Variants in ANLN observed in about 807,000 individuals in gnomAD.
ANLN encodes the protein anillin, actin binding protein, also known as anillin.
ANLN carries 59 observed loss-of-function variants against 135.1 expected under a neutral mutation model. That is an observed-to-expected ratio of 0.44 (90% CI 0.35 to 0.54). The LOEUF (loss-of-function observed/expected upper bound fraction) is 0.54, where lower values mean the gene tolerates loss of function less well. Ranked by LOEUF, ANLN falls within the 20% of genes least tolerant of loss-of-function variation. The pLI, the probability that ANLN is intolerant of heterozygous loss-of-function variation, is 0.00. For synonymous variants in ANLN, 406 were observed against 456.4 expected, an observed-to-expected ratio of 0.89 and a Z score of 1.41; for missense variants, 1,182 against 1,340.0, an observed-to-expected ratio of 0.88 and a Z score of 1.84.
intron 2 of ANLN, among the ~76,000 whole-genome samples, chr7:36,398,143 GA>G (rs1786785662): frequency 6.6e-6 from 1 of 151,590 alleles, no homozygotes; most frequent in Non-Finnish European, 1.5e-5. Flanking sequence ...CTCATAGTTA[GA>G]AATAATATGC....
intron 20 of ANLN, among the ~76,000 whole-genome samples, chr7:36,433,793 T>C (rs750801578): frequency 8.5e-5 from 13 of 152,154 alleles, no homozygotes; most frequent in Non-Finnish European, 1.3e-4. Flanking sequence ...TTTCTTGATG[T>C]GATCTAGGCT....
intron 22 of ANLN, among the ~76,000 whole-genome samples, chr7:36,447,904 G>A (rs936834052): frequency 1.5e-4 from 23 of 152,108 alleles, no homozygotes; most frequent in African/African-American, 5.6e-4. Context: ...GGATAAGTGG[G>A]GGGCTACTGT....
intron 10 of ANLN, 32 bp downstream of exon 10, chr7:36,419,511 C>CATAAGTAAACTAAGTAGT (rs1237121685): frequency 4.5e-6 from 7 of 1,554,180 alleles, no homozygotes; most frequent in African/African-American, 1.4e-5. Flanking sequence ...AGGCCCAGGA[C>CATAAGTAAACTAAGTAGT]ATAAGTAAAC....
chr7:36,399,830 G>A (rs958896354), intron 3 of ANLN, among the ~76,000 whole-genome samples: 3 of 152,152 alleles, frequency 2.0e-5, no homozygotes, highest in Non-Finnish European at 4.4e-5. Context: ...CAGCTGCAAA[G>A]TATATTATTA....
intron 20 of ANLN, among the ~76,000 whole-genome samples, chr7:36,431,584 T>C: frequency 4.4e-5 from 1 of 22,898 alleles, no homozygotes; most frequent in Non-Finnish European, 1.2e-4. Flanking sequence ...TGTGTGTGTG[T>C]GTGTGTGTGT....
At chr7:36,443,229 C>G (rs1474622012) in intron 21 of ANLN, among the ~76,000 whole-genome samples, 1 of 152,142 alleles carries the variant, frequency 6.6e-6, no homozygotes, top group African/African-American at 2.4e-5. Flanking sequence ...CAGCAGTGGG[C>G]TTGGAGTTTT....
chr7:36,417,084 C>A lies in ANLN; in HGVS notation c.1527C>A (p.Phe509Leu), dbSNP rs745313471. Residue 509 changes from phenylalanine (F) to leucine (L), a missense_variant, in exon 9 of 24, where the codon TTC becomes TTA. Around this residue, in one of 3 missense-constraint regions of ANLN, gnomAD observed 1,022 missense variants for 1,134.0 expected, o/e 0.90. Coordinates refer to ENST00000265748, the MANE Select transcript of ANLN (RefSeq NM_018685.5). ...AKNSSTEPKG[F>L]TECEMTKSSP... The stretch of plus-strand genomic sequence containing the variant: ...GTCTTTCTTAAACATTTTTAGGTTT[C>A]ACTGAATGCGAAATGACGAAATCTA... 7 of 1,579,426 alleles carry A rather than the reference C, an allele frequency of 4.4e-6. No homozygotes were observed. In the South Asian group the frequency reaches 7.0e-5, roughly 16 times the overall value.
In ANLN at chr7:36,449,800, C is replaced by G; in HGVS notation, c.3214C>G (p.Leu1072Val). The change falls in exon 23 of 24, where the codon CTT (leucine) becomes GTT (valine). Residue 1072 changes from leucine to valine, a missense_variant. Physicochemically the swap from Leu to Val is conservative, Grantham distance 32. Around this residue, in one of 3 missense-constraint regions of ANLN, gnomAD observed 78 missense variants for 72.7 expected, o/e 1.07. Coordinates refer to ENST00000265748, the MANE Select transcript of ANLN (RefSeq NM_018685.5). ...ACAAAGAGAAGATGACCGAGAGACT[C>G]TTGTCAGCCAATGCAGGGACACACT... ...RPQREDDRET[L>V]VSQCRDTLCV... 6.2e-7 allele frequency: 1 copy of G among 1,614,082 alleles called. No homozygotes were observed. The highest frequency in any genetic ancestry group is 8.5e-7 in the Non-Finnish European group (1 of 1,179,950).
At chr7:36,424,805 G>A in intron 17 of ANLN, 63 bp downstream of exon 17, 2 of 1,487,378 alleles carry the variant, frequency 1.3e-6, no homozygotes, top group East Asian at 2.3e-5. Flanking sequence ...CATCATACCA[G>A]TTTTAATTTA....
chr7:36,398,859 G>T (rs1418524718), intron 2 of ANLN, among the ~76,000 whole-genome samples: 1 of 151,532 alleles, frequency 6.6e-6, no homozygotes, highest in Non-Finnish European at 1.5e-5. Flanking sequence ...TTTCATTAAG[G>T]TTTTTATAAT....
chr7:36,413,231 C>T lies in ANLN; in HGVS notation c.1395+2065C>T, dbSNP rs1787500416. 2.0e-5 allele frequency among the ~76,000 whole-genome samples: 3 copies of T among 152,134 alleles called. No individual in the cohort carries two copies. The East Asian group carries it at 5.8e-4, about 29-fold the overall frequency. ...AACCCATTCCCCTCCTTTTCTTTGC[C>T]TCCATGTCATGCAGACTCTTCTACA... is the stretch of plus-strand genomic sequence containing the variant. On this transcript the variant is annotated intron_variant, in intron 7 of 23. Transcript: ENST00000265748.
At chr7:36,450,227 A>G (rs1215349166) in intron 23 of ANLN, among the ~76,000 whole-genome samples, 2 of 152,204 alleles carry the variant, frequency 1.3e-5, no homozygotes, top group Non-Finnish European at 2.9e-5. Flanking sequence ...GACTCACAGA[A>G]ACAATCTCAT....
intron 18 of ANLN, 27 bp downstream of exon 18, chr7:36,425,767 C>T (rs776812653): frequency 1.9e-5 from 31 of 1,604,348 alleles, no homozygotes; most frequent in Non-Finnish European, 2.6e-5. Context: ...AGAAATTGAG[C>T]TTCCTTGAGA....
chr7:36,404,200 C>G (rs926428075), intron 3 of ANLN, among the ~76,000 whole-genome samples: 1 of 150,572 alleles, frequency 6.6e-6, no homozygotes, highest in Non-Finnish European at 1.5e-5. Flanking sequence ...GAACTCCTGA[C>G]CTCAAATGAT....
Sources: allele counts gnomAD v4.1 joint callset (sites outside exome capture counted in the v4.1 genomes callset), GRCh38; gene constraint gnomAD v4.1.1; regional missense constraint gnomAD v4.1.1; transcripts MANE v1.5; gene names NCBI Gene and HGNC (gene_info 2026-07-23, HGNC 2026-07-21).